Variants in FILIP1 observed in about 807,000 individuals in gnomAD.
FILIP1 encodes the protein filamin A interacting protein 1, also known as filamin-A-interacting protein 1.
Under a neutral mutation model 102.1 loss-of-function variants are expected in FILIP1, and 61 were observed. The observed-to-expected ratio is 0.60, with a 90% CI of 0.49 to 0.74. The LOEUF (loss-of-function observed/expected upper bound fraction) is 0.74, where lower values mean the gene tolerates loss of function less well. FILIP1 is among the 30% of genes least tolerant of loss of function. The probability of loss-of-function intolerance (pLI) is 0.00; values close to 1 mark genes in which losing one functional copy is unlikely to be tolerated. For missense variants in FILIP1, 1,314 were observed against 1,441.2 expected (o/e 0.91, Z 1.43); for synonymous variants, 491 against 526.9 (o/e 0.93, Z 0.93).
intron 4 of FILIP1, chr6:75,319,316 T>C (rs1291803975): frequency 1.5e-6 from 1 of 653,928 alleles, no homozygotes; most frequent in Non-Finnish European, 2.9e-6. Context: ...GGCCAGGATG[T>C]TCTTCTTTGA....
In FILIP1 at chr6:75,312,407, G is replaced by T. The variant is rs777090787; in HGVS notation, c.3425C>A (p.Thr1142Asn). 3.1e-6 allele frequency: 5 copies of T among 1,613,392 alleles called. No homozygotes were observed. The highest frequency in any genetic ancestry group is 4.5e-5 in the East Asian group (2 of 44,860). The change falls in exon 5 of 6, where the codon ACC becomes AAC. Residue 1142 changes from threonine to asparagine, a missense_variant. Physicochemically the swap from Thr to Asn is moderately conservative, Grantham distance 65. Around this residue, in one of 3 missense-constraint regions of FILIP1, gnomAD observed 816 missense variants for 913.1 expected, o/e 0.89. Coordinates refer to ENST00000237172, the MANE Select transcript of FILIP1 (RefSeq NM_015687.5). ...TPVTTSSARG[T>N]QSVSGQDGSS... is the part of the protein sequence containing the mutation. ...GCCTCTTCTACTCACCACTGACTGG[G>T]TTCCTCGAGCAGATGACGTTGTGAC...
intron 1 of FILIP1, among the ~76,000 whole-genome samples, chr6:75,432,179 A>G (rs1238310753): frequency 1.3e-5 from 2 of 152,260 alleles, no homozygotes; most frequent in African/African-American, 4.8e-5. Flanking sequence ...ATATGAATGT[A>G]TCATTGAAAA....
At chr6:75,418,305 C>A (rs1777339129) in intron 1 of FILIP1, among the ~76,000 whole-genome samples, 1 of 152,226 alleles carries the variant, frequency 6.6e-6, no homozygotes, top group Admixed American at 6.5e-5. Flanking sequence ...GCAACACTCA[C>A]ATAGCAATTT....
At chr6:75,478,313 A>G (rs1427228118) in intron 1 of FILIP1, among the ~76,000 whole-genome samples, 2 of 152,204 alleles carry the variant, frequency 1.3e-5, no homozygotes, top group Non-Finnish European at 2.9e-5. Context: ...CAAGATCTTG[A>G]GTGAGATTTC....
At chr6:75,343,885 G>GAGC (rs759690811) in intron 4 of FILIP1, among the ~76,000 whole-genome samples, 3 of 152,204 alleles carry the variant, frequency 2.0e-5, no homozygotes, top group Non-Finnish European at 4.4e-5. Flanking sequence ...TCTAAGAACA[G>GAGC]AGCCACCCAG....
At chr6:75,308,963 A>G in intron 5 of FILIP1, 66 bp from the exon 6 acceptor site, 8 of 1,559,794 alleles carry the variant, frequency 5.1e-6, no homozygotes, top group Admixed American at 1.7e-5. Flanking sequence ...TATGCCATCA[A>G]TCTGAACATT....
chr6:75,351,294 C>T (rs953513657), intron 4 of FILIP1, among the ~76,000 whole-genome samples: 4 of 152,072 alleles, frequency 2.6e-5, no homozygotes, highest in African/African-American at 7.2e-5. Context: ...AACTCCTGAC[C>T]CCAGGTGATC....
intron 2 of FILIP1, among the ~76,000 whole-genome samples, chr6:75,377,311 G>A (rs879073250): frequency 6.6e-6 from 1 of 152,240 alleles, no homozygotes; most frequent in Admixed American, 6.5e-5. Context: ...GCAATATTTG[G>A]CCTTACAAGG....
chr6:75,355,021 G>A (rs1226354554), intron 3 of FILIP1, among the ~76,000 whole-genome samples: 2 of 152,128 alleles, frequency 1.3e-5, no homozygotes, highest in Admixed American at 1.3e-4. Context: ...GAGGCCGGGC[G>A]CAAAGGCTCA....
downstream of FILIP1, among the ~76,000 whole-genome samples, chr6:75,306,594 A>G (rs1772993350): frequency 6.6e-6 from 1 of 152,146 alleles, no homozygotes; most frequent in Admixed American, 6.5e-5. Context: ...AAAGAGGAAA[A>G]ATCTTGTAAA....
intron 1 of FILIP1, among the ~76,000 whole-genome samples, chr6:75,486,746 C>T (rs778156590): frequency 1.4e-4 from 22 of 151,980 alleles, no homozygotes; most frequent in South Asian, 4.1e-4. Context: ...TTACGAGAAG[C>T]AAATAAAATC....
intron 1 of FILIP1, among the ~76,000 whole-genome samples, chr6:75,431,890 A>T (rs1314153254): frequency 6.6e-6 from 1 of 152,258 alleles, no homozygotes; most frequent in Non-Finnish European, 1.5e-5. Context: ...ATGTGTTTTT[A>T]AAAATCTCTT....
chr6:75,431,539 G>C (rs1433722426), intron 1 of FILIP1, among the ~76,000 whole-genome samples: 1 of 152,124 alleles, frequency 6.6e-6, no homozygotes, highest in African/African-American at 2.4e-5. Context: ...ATTGAGAATT[G>C]CTTTTCTAGG....
intron 2 of FILIP1, among the ~76,000 whole-genome samples, chr6:75,376,432 C>A (rs1243191671): frequency 1.3e-5 from 2 of 152,068 alleles, no homozygotes; most frequent in African/African-American, 4.8e-5. Context: ...TTGGTTACTC[C>A]CCACCCCTTG....
At chr6:75,409,469 G>A (rs1776981623) in intron 2 of FILIP1, among the ~76,000 whole-genome samples, 1 of 152,054 alleles carries the variant, frequency 6.6e-6, no homozygotes, top group Non-Finnish European at 1.5e-5. Context: ...ACTCACTCCT[G>A]GGTATAGGCC....
chr6:75,459,202 T>G (rs1778939756), intron 1 of FILIP1, among the ~76,000 whole-genome samples: 1 of 152,222 alleles, frequency 6.6e-6, no homozygotes, highest in Non-Finnish European at 1.5e-5. Flanking sequence ...CAGACCGATT[T>G]TTATTGCTTC....
intron 1 of FILIP1, among the ~76,000 whole-genome samples, chr6:75,487,967 A>G (rs1210422805): frequency 6.6e-6 from 1 of 152,120 alleles, no homozygotes; most frequent in Non-Finnish European, 1.5e-5. Flanking sequence ...AAAAACAGAA[A>G]AAACCTTAAA....
rs550508657 is a variant in FILIP1 at position 75,373,628 on chromosome 6, T to C, written c.277-10711A>G. Among the ~76,000 whole-genome samples the C allele has an allele frequency of 2.0e-5, 3 of 151,276 alleles. No individual in the cohort carries two copies. The South Asian group carries it at 6.2e-4, about 31-fold the overall frequency. ...CCAACAATTTAAAAAAATTTAAGTA[T>C]ACATTCACCTGCCTAAAAAAATCAA... On this transcript the variant is annotated intron_variant, in intron 2 of 5. Coordinates refer to ENST00000237172, the MANE Select transcript of FILIP1 (RefSeq NM_015687.5).
chr6:75,372,496 T>C (rs1775556707), intron 2 of FILIP1, among the ~76,000 whole-genome samples: 1 of 149,534 alleles, frequency 6.7e-6, no homozygotes, highest in Non-Finnish European at 1.5e-5. Context: ...GATATACAAG[T>C]GGCCAAAAAG....
Sources: allele counts gnomAD v4.1 joint callset (sites outside exome capture counted in the v4.1 genomes callset), GRCh38; gene constraint gnomAD v4.1.1; regional missense constraint gnomAD v4.1.1; transcripts MANE v1.5; gene names NCBI Gene and HGNC (gene_info 2026-07-23, HGNC 2026-07-21).